The following DIAPH3 variants were observed in gnomAD, a reference collection of about 807,000 sequenced individuals.
DIAPH3 encodes diaphanous related formin 3, also known as protein diaphanous homolog 3.
Under a neutral mutation model 144.3 loss-of-function variants are expected in DIAPH3, and 117 were observed. That is an observed-to-expected ratio of 0.81 (90% CI 0.70 to 0.95). DIAPH3 has a LOEUF of 0.95. Among genes scored for constraint, DIAPH3 ranks in the 40% least tolerant of loss-of-function variants. The probability of loss-of-function intolerance (pLI) is 0.00; values close to 1 mark genes in which losing one functional copy is unlikely to be tolerated. For missense variants in DIAPH3, 1,421 were observed against 1,412.7 expected, an observed-to-expected ratio of 1.01 and a Z score of -0.09; for synonymous variants, 519 against 488.9, an observed-to-expected ratio of 1.06 and a Z score of -0.81.
At chr13:59,814,692 A>G (rs2040670303) in intron 24 of DIAPH3, among the ~76,000 whole-genome samples, 1 of 152,190 alleles carries the variant, frequency 6.6e-6, no homozygotes, top group Non-Finnish European at 1.5e-5. Flanking sequence ...TAAGACATTG[A>G]TTTTTTAAAA....
chr13:59,809,199 C>G (rs1158671836), intron 25 of DIAPH3, among the ~76,000 whole-genome samples: 1 of 152,136 alleles, frequency 6.6e-6, no homozygotes. Flanking sequence ...CTATAGACAA[C>G]GCTAAAAGAG....
chr13:60,079,994 G>T (rs936881366), intron 4 of DIAPH3, among the ~76,000 whole-genome samples: 2 of 151,750 alleles, frequency 1.3e-5, no homozygotes, highest in Admixed American at 6.6e-5. Flanking sequence ...TTATAATTTA[G>T]TTAACCGAGT....
intron 20 of DIAPH3, among the ~76,000 whole-genome samples, chr13:59,895,314 A>C (rs1053773038): frequency 6.6e-6 from 1 of 152,000 alleles, no homozygotes; most frequent in Non-Finnish European, 1.5e-5. Flanking sequence ...CGCTCTTCTA[A>C]ATAACTGTAA....
chr13:60,026,639 T>C (rs1002144561), intron 5 of DIAPH3, among the ~76,000 whole-genome samples: 17 of 152,278 alleles, frequency 1.1e-4, no homozygotes, highest in Admixed American at 7.2e-4. Flanking sequence ...ATTTGAATCA[T>C]TTATTTGATT....
chr13:60,080,132 G>A (rs2057504830), intron 4 of DIAPH3, among the ~76,000 whole-genome samples: 1 of 151,728 alleles, frequency 6.6e-6, no homozygotes, highest in South Asian at 2.1e-4. Flanking sequence ...GAAGAACACA[G>A]CTTTAATTTT....
Position 59,728,086 on chromosome 13 carries a change from C to CA in DIAPH3, c.3319+46102dup, listed in dbSNP as rs1168893403. Among the ~76,000 whole-genome samples, 485 of 150,174 alleles carry CA rather than the reference C, an allele frequency of 3.2e-3. 3 individuals carry two copies. The highest frequency in any genetic ancestry group is 0.011 in the African/African-American group (450 of 41,024). On this transcript the variant is annotated intron_variant, in intron 27 of 27. Transcript: ENST00000400324. Reference sequence around the variant, plus strand: ...GGCATCAAAAAAAAAAACAGGGCATCAAAAAAAACAAATAAATAAAAATAA... The same window carrying CA: ...GGCATCAAAAAAAAAAACAGGGCATCAAAAAAAAACAAATAAATAAAAATAA...
chr13:60,010,558 C>A lies in DIAPH3; in HGVS notation c.883G>T (p.Val295Leu), dbSNP rs2053174636. 1 of 1,608,236 alleles carries A rather than the reference C, an allele frequency of 6.2e-7. No homozygotes were observed. The highest frequency in any genetic ancestry group is 8.5e-7 in the Non-Finnish European group (1 of 1,176,274). The part of the protein sequence containing the change: ...MTDVVKLLSA[V>L]CIVGEESILE... ...ATGCTTTCTTCCCCTACAATGCATACCGCAGAGAGAAGTTTAACCACATCT... is the reference window on the plus strand; with the variant it reads ...ATGCTTTCTTCCCCTACAATGCATAACGCAGAGAGAAGTTTAACCACATCT... The change falls in exon 8 of 28, where the codon GTA becomes TTA. Residue 295 changes from valine (V) to leucine (L), a missense_variant. Coordinates refer to ENST00000400324, the MANE Select transcript of DIAPH3 (RefSeq NM_001042517.2).
chr13:59,909,558 C>T (rs924405551), intron 20 of DIAPH3, among the ~76,000 whole-genome samples: 3 of 152,078 alleles, frequency 2.0e-5, no homozygotes, highest in African/African-American at 4.8e-5. Context: ...TCTGATTTTT[C>T]CACCAATACA....
At chr13:60,007,276 C>G (rs950146341) in intron 9 of DIAPH3, among the ~76,000 whole-genome samples, 4 of 152,134 alleles carry the variant, frequency 2.6e-5, no homozygotes, top group African/African-American at 9.7e-5. Flanking sequence ...GTCTTGAACT[C>G]CTGACATCAG....
At chr13:60,027,907 G>A (rs776715781) in intron 5 of DIAPH3, among the ~76,000 whole-genome samples, 4 of 152,124 alleles carry the variant, frequency 2.6e-5, no homozygotes, top group Non-Finnish European at 5.9e-5. Flanking sequence ...GCTTTTCACC[G>A]CTTGTCCCCA....
At chr13:60,113,491 T>G (rs1288603995) in intron 2 of DIAPH3, among the ~76,000 whole-genome samples, 1 of 152,224 alleles carries the variant, frequency 6.6e-6, no homozygotes, top group East Asian at 1.9e-4. Flanking sequence ...AAAAATACTA[T>G]GTACTGCACT....
intron 23 of DIAPH3, among the ~76,000 whole-genome samples, chr13:59,837,126 T>C (rs1227546801): frequency 6.6e-6 from 1 of 152,058 alleles, no homozygotes; most frequent in African/African-American, 2.4e-5. Context: ...GCTTTGTCAA[T>C]AGCAAAGTGC....
intron 27 of DIAPH3, among the ~76,000 whole-genome samples, chr13:59,731,272 G>A (rs549071743): frequency 8.5e-5 from 13 of 152,196 alleles, no homozygotes; most frequent in Admixed American, 6.5e-4. Context: ...TCTAAAACAG[G>A]TGCTCCCTGG....
At chr13:60,086,616 C>T (rs2057757316) in intron 4 of DIAPH3, among the ~76,000 whole-genome samples, 1 of 151,468 alleles carries the variant, frequency 6.6e-6, no homozygotes, top group Non-Finnish European at 1.5e-5. Context: ...AAAAAAAATT[C>T]ACGTTAATGT....
intron 21 of DIAPH3, among the ~76,000 whole-genome samples, chr13:59,870,570 C>T (rs1180148293): frequency 2.6e-5 from 4 of 151,918 alleles, no homozygotes; most frequent in East Asian, 1.9e-4. Context: ...TGGGAAGAAA[C>T]GACACCTTAA....
At chr13:59,970,102 C>G in intron 16 of DIAPH3, 44 bp from the exon 17 acceptor site, 1 of 1,182,858 alleles carries the variant, frequency 8.5e-7, no homozygotes, top group Non-Finnish European at 1.2e-6. Context: ...GTGAGTGTTT[C>G]ACCTGTCCCA....
intron 27 of DIAPH3, among the ~76,000 whole-genome samples, chr13:59,688,612 C>T (rs2033339402): frequency 6.6e-6 from 1 of 151,820 alleles, no homozygotes; most frequent in Admixed American, 6.6e-5. Flanking sequence ...TTTAGTGTCA[C>T]TCAAGTGTCA....
chr13:59,972,175 T>C (rs1423859922), intron 15 of DIAPH3, among the ~76,000 whole-genome samples: 4 of 152,018 alleles, frequency 2.6e-5, no homozygotes, highest in African/African-American at 4.8e-5. Context: ...AAAAGCCAAC[T>C]GGGCACAGGG....
At chr13:59,845,469 T>C (rs1424319355) in intron 22 of DIAPH3, among the ~76,000 whole-genome samples, 4 of 152,202 alleles carry the variant, frequency 2.6e-5, no homozygotes, top group African/African-American at 4.8e-5. Flanking sequence ...AAGCTGCCCC[T>C]TTCCTGTTCA....
Sources: allele counts gnomAD v4.1 joint callset (sites outside exome capture counted in the v4.1 genomes callset), GRCh38; gene constraint gnomAD v4.1.1; transcripts MANE v1.5; gene names NCBI Gene and HGNC (gene_info 2026-07-23, HGNC 2026-07-21).